The following CWF19L2 variants were observed in gnomAD, a reference collection of about 807,000 sequenced individuals.
The protein encoded by CWF19L2 is CWF19 like cell cycle control factor 2.
CWF19L2 carries 98 observed loss-of-function variants against 111.7 expected under a neutral mutation model. That is an observed-to-expected ratio of 0.88 (90% CI 0.75 to 1.04). The LOEUF is 1.04. Ranked by LOEUF, CWF19L2 falls within the 50% of genes least tolerant of loss-of-function variation. CWF19L2 has a pLI of 0.00. For synonymous variants in CWF19L2, 351 were observed against 342.9 expected, an observed-to-expected ratio of 1.02 and a Z score of -0.26; for missense variants, 1,101 against 1,051.4, an observed-to-expected ratio of 1.05 and a Z score of -0.65.
At chr11:107,388,268 T>C (rs1036950143) in intron 12 of CWF19L2, among the ~76,000 whole-genome samples, 2 of 152,252 alleles carry the variant, frequency 1.3e-5, no homozygotes, top group African/African-American at 4.8e-5. Flanking sequence ...CCACTAGAAA[T>C]ATAAGCGCCT....
At chr11:107,424,902 A>G (rs1362390335) in intron 8 of CWF19L2, among the ~76,000 whole-genome samples, 2 of 151,878 alleles carry the variant, frequency 1.3e-5, no homozygotes, top group Non-Finnish European at 2.9e-5. Flanking sequence ...ACTGAAGAAA[A>G]TATTATTCTA....
At chr11:107,417,713 C>A (rs938204141) in intron 9 of CWF19L2, among the ~76,000 whole-genome samples, 1 of 151,074 alleles carries the variant, frequency 6.6e-6, no homozygotes, top group African/African-American at 2.4e-5. Context: ...GAAAGTAGAT[C>A]ATTTATTTAG....
chr11:107,353,244 C>T (rs1860183580), intron 13 of CWF19L2, among the ~76,000 whole-genome samples: 1 of 152,092 alleles, frequency 6.6e-6, no homozygotes, highest in African/African-American at 2.4e-5. Flanking sequence ...TAGGGTATGG[C>T]AGATATTAGG....
At chr11:107,339,397 A>T (rs897159683) in intron 14 of CWF19L2, among the ~76,000 whole-genome samples, 1 of 152,158 alleles carries the variant, frequency 6.6e-6, no homozygotes, top group Non-Finnish European at 1.5e-5. Context: ...TCATATTTTT[A>T]AAAACTGCCA....
At chr11:107,424,190 T>G (rs1861342861) in intron 8 of CWF19L2, among the ~76,000 whole-genome samples, 1 of 151,542 alleles carries the variant, frequency 6.6e-6, no homozygotes, top group Non-Finnish European at 1.5e-5. Flanking sequence ...CCTCTTTTTT[T>G]TTTTTAACTA....
chr11:107,380,517 TACC>T (rs1471790791), intron 12 of CWF19L2, among the ~76,000 whole-genome samples: 3 of 152,072 alleles, frequency 2.0e-5, no homozygotes, highest in Non-Finnish European at 4.4e-5. Context: ...TCACAACTGA[TACC>T]ACTTCACACC....
At chr11:107,441,686 GAATTT>G in intron 4 of CWF19L2, 64 bp from the exon 5 acceptor site, 1 of 1,385,298 alleles carries the variant, frequency 7.2e-7, no homozygotes, top group Non-Finnish European at 9.3e-7. Flanking sequence ...GAACTGATTA[GAATTT>G]AATAAACACT....
intron 12 of CWF19L2, among the ~76,000 whole-genome samples, chr11:107,388,463 A>C (rs1475670872): frequency 1.3e-5 from 2 of 152,044 alleles, no homozygotes; most frequent in African/African-American, 4.8e-5. Flanking sequence ...GGTCACCACA[A>C]GCTCCACCTC....
At position 107,445,183 on chromosome 11, in the gene CWF19L2, C is replaced by A. The variant is rs377075838; in HGVS notation, c.340-2134G>T. Reference sequence around the variant, plus strand: ...GCTATTCTTGAAGCCTAGCTGCATTCCTACATCTATATGTCTTATGAGAAT... The same window carrying A: ...GCTATTCTTGAAGCCTAGCTGCATTACTACATCTATATGTCTTATGAGAAT... On this transcript the variant is annotated intron_variant, in intron 3 of 17. Coordinates refer to ENST00000282251, the MANE Select transcript of CWF19L2 (RefSeq NM_152434.3). 5.3e-5 allele frequency among the ~76,000 whole-genome samples: 8 copies of A among 152,214 alleles called. No individual in the cohort carries two copies. In the South Asian group the frequency reaches 1.2e-3, roughly 24 times the overall value.
At chr11:107,340,388 T>C (rs1859988798) in intron 14 of CWF19L2, among the ~76,000 whole-genome samples, 1 of 152,250 alleles carries the variant, frequency 6.6e-6, no homozygotes, top group Non-Finnish European at 1.5e-5. Flanking sequence ...GCTATGCATG[T>C]CCAATTGCTC....
chr11:107,457,716 C>A lies in CWF19L2; in HGVS notation c.101G>T (p.Arg34Leu). 2 of 1,550,656 alleles carry A rather than the reference C, an allele frequency of 1.3e-6. No homozygotes were observed. Among genetic ancestry groups the A allele is most frequent in the South Asian group, 2.4e-5 (2 of 84,030 alleles). ...QTRNARAEVL[R>L]QAKANFEKEE... ...AAAGCCCCAAAACAGAGGTACCTGG[C>A]GCAACACCTCGGCCCTGGCATTCCG... is the stretch of plus-strand genomic sequence containing the variant. Residue 34 changes from arginine to leucine, a missense_variant, in exon 1 of 18, where the codon CGC (arginine) becomes CTC (leucine). Physicochemically the swap from Arg to Leu is moderately radical, Grantham distance 102. Transcript: ENST00000282251.
At chr11:107,345,430 C>T (rs1266330784) in intron 14 of CWF19L2, 1 of 428,450 alleles carries the variant, frequency 2.3e-6, no homozygotes, top group Non-Finnish European at 4.8e-6. Context: ...AACATCTTTA[C>T]TTCATGTTTG....
intron 16 of CWF19L2, 90 bp from the exon 17 acceptor site, chr11:107,330,109 T>C: frequency 1.6e-6 from 1 of 643,982 alleles, no homozygotes; most frequent in Non-Finnish European, 2.5e-6. Flanking sequence ...AGGACAGTAA[T>C]CTTAAGCATT....
intron 3 of CWF19L2, among the ~76,000 whole-genome samples, chr11:107,450,278 C>T (rs1366804482): frequency 6.6e-6 from 1 of 151,898 alleles, no homozygotes; most frequent in African/African-American, 2.4e-5. Flanking sequence ...TATAAAATGT[C>T]TCAAAAACTT....
chr11:107,362,275 T>A (rs1860361902), intron 12 of CWF19L2, among the ~76,000 whole-genome samples: 1 of 152,028 alleles, frequency 6.6e-6, no homozygotes, highest in South Asian at 2.1e-4. Flanking sequence ...CCAGGCTTGC[T>A]TAGGTAAACA....
rs145828149 is a variant in CWF19L2 at position 107,402,873 on chromosome 11, GTATATATA to G, written c.1618-9986_1618-9979del. 2.6e-3 allele frequency among the ~76,000 whole-genome samples: 243 copies of G among 94,460 alleles called. 20 individuals are homozygous for G. Among genetic ancestry groups the G allele is most frequent in the African/African-American group, 0.01 (214 of 20,732 alleles). The allele number at this position is 94,460 out of a possible 152,430, so 62.0% of individuals were successfully genotyped here. On this transcript the variant is annotated intron_variant, in intron 10 of 17. Transcript: ENST00000282251. ...CGAGTGGATAAACAAACTGTGGTGTGTATATATATATATATATATATATATATATAATG... is the reference window on the plus strand; with the variant it reads ...CGAGTGGATAAACAAACTGTGGTGTGTATATATATATATATATATATAATG...
intron 12 of CWF19L2, among the ~76,000 whole-genome samples, chr11:107,362,957 C>T (rs966224765): frequency 2.0e-4 from 30 of 151,896 alleles, no homozygotes; most frequent in Admixed American, 1.7e-3. Context: ...ACTAGAACAA[C>T]CAATACAGAG....
At chr11:107,335,476 A>G (rs1281120638) in intron 15 of CWF19L2, among the ~76,000 whole-genome samples, 3 of 152,192 alleles carry the variant, frequency 2.0e-5, no homozygotes, top group Non-Finnish European at 4.4e-5. Context: ...TCCAGGAAGC[A>G]TAAGTCTATT....
rs540909186 is a variant in CWF19L2, at chr11:107,336,715, T to TAA, written c.2203-4_2203-3dup. 120 of 1,173,528 alleles carry TAA rather than the reference T, an allele frequency of 1.0e-4. No individual in the cohort carries two copies. Among genetic ancestry groups the TAA allele is most frequent in the Admixed American group, 2.5e-4 (7 of 27,896 alleles). The allele number at this position is 1,173,528 out of a possible 1,614,324, so 72.7% of individuals were successfully genotyped here. A position where few individuals can be genotyped will look rare whatever the true frequency, so the allele number is the denominator to read the frequency against. On this transcript the variant is annotated splice_polypyrimidine_tract_variant and splice_region_variant and intron_variant, in intron 14 of 17. Transcript: ENST00000282251. The stretch of plus-strand genomic sequence containing the variant: ...CTTTACCAATGATTTTCTGAACATC[T>TAA]AAAAAAAAAAAAGAACTAGGTAAAG...
Sources: gnomAD v4.1 joint callset for allele counts (sites outside exome capture counted in the v4.1 genomes callset) on GRCh38, gnomAD v4.1.1 for gene constraint, MANE v1.5 for transcripts, NCBI Gene and HGNC (gene_info 2026-07-23, HGNC 2026-07-21) for gene names.